ABCC9: variants seen among roughly 807,000 people sequenced by gnomAD.
ABCC9 encodes ATP-binding cassette sub-family C member 9.
Under a neutral mutation model 188.3 loss-of-function variants are expected in ABCC9, and 95 were observed. The observed-to-expected ratio is 0.50, with a 90% CI of 0.43 to 0.60. The LOEUF (loss-of-function observed/expected upper bound fraction) is 0.60. Ranked by LOEUF, ABCC9 falls within the 20% of genes least tolerant of loss-of-function variation. The pLI is 0.00. For missense variants in ABCC9, 1,102 were observed against 1,876.3 expected, an observed-to-expected ratio of 0.59 and a Z score of 7.62; for synonymous variants, 659 against 652.7, an observed-to-expected ratio of 1.01 and a Z score of -0.15.
rs1947287676 is a variant in ABCC9, at chr12:21,893,961, C to A, written c.1802+71G>T. On this transcript the variant is annotated intron_variant, in intron 14 of 39. Transcript: ENST00000261200. ...TTTAATGTTCTTTTTTATATTTTTTCAAATACTCCTATTAGCACACGTCAT... is the reference window on the plus strand; with the variant it reads ...TTTAATGTTCTTTTTTATATTTTTTAAAATACTCCTATTAGCACACGTCAT... 8 of 1,486,986 alleles carry A rather than the reference C, an allele frequency of 5.4e-6. No homozygotes were observed. In the Admixed American group the frequency reaches 1.4e-4, roughly 26 times the overall value. The allele number at this position is 1,486,986 out of a possible 1,614,324, so 92.1% of individuals were successfully genotyped here.
intron 10 of ABCC9, among the ~76,000 whole-genome samples, chr12:21,908,435 A>G (rs963350473): frequency 1.3e-5 from 2 of 152,038 alleles, no homozygotes; most frequent in African/African-American, 4.8e-5. Context: ...GCTAAGTGCT[A>G]GGAATGTATT....
chr12:21,838,618 C>T (rs1265578698), intron 29 of ABCC9, among the ~76,000 whole-genome samples: 1 of 152,044 alleles, frequency 6.6e-6, no homozygotes, highest in Non-Finnish European at 1.5e-5. Context: ...CTGTCTGGTG[C>T]CCAGAGTCCT....
intron 31 of ABCC9, among the ~76,000 whole-genome samples, chr12:21,822,883 C>T (rs951306518): frequency 6.6e-6 from 1 of 151,956 alleles, no homozygotes; most frequent in Non-Finnish European, 1.5e-5. Flanking sequence ...CAAAGTGACC[C>T]TACGGTTACA....
Position 21,848,210 on chromosome 12 carries a change from T to C in ABCC9, c.2806A>G (p.Thr936Ala). The C allele has an allele frequency of 6.2e-7, 1 of 1,613,358 alleles. No homozygotes were observed. The highest frequency in any genetic ancestry group is 2.2e-5 in the East Asian group (1 of 44,856). ...CTTGAATACATGGCCCGTCGGAGAG[T>C]TTTCCTCTCTAAAGTAGTTTGGTCA... ...EADQTTLERK[T>A]LRRAMYSREA... The change falls in exon 25 of 40, where the codon ACT becomes GCT. Residue 936 changes from threonine (T) to alanine (A), a missense_variant. Thr to Ala is a moderately conservative substitution (Grantham distance 58, BLOSUM62 0). This residue lies in a region of ABCC9 where 131 missense variants were observed against 170.2 expected (regional missense o/e 0.77). Coordinates refer to ENST00000261200, the MANE Select transcript of ABCC9 (RefSeq NM_020297.4).
intron 14 of ABCC9, among the ~76,000 whole-genome samples, chr12:21,891,514 T>C (rs1437037936): frequency 6.6e-6 from 1 of 152,154 alleles, no homozygotes; most frequent in Non-Finnish European, 1.5e-5. Context: ...TTCCATTTTA[T>C]GAGGTATATA....
At chr12:21,906,771 A>G (rs1948067828) in intron 11 of ABCC9, among the ~76,000 whole-genome samples, 1 of 152,050 alleles carries the variant, frequency 6.6e-6, no homozygotes, top group Non-Finnish European at 1.5e-5. Flanking sequence ...CTGTGCATTC[A>G]TATTGCATCT....
chr12:21,890,305 A>G (rs1469819871), intron 14 of ABCC9, among the ~76,000 whole-genome samples: 3 of 152,134 alleles, frequency 2.0e-5, no homozygotes, highest in East Asian at 3.9e-4. Context: ...CATCTTTAGC[A>G]TCGTCTAAAA....
intron 22 of ABCC9, among the ~76,000 whole-genome samples, chr12:21,856,051 A>G (rs1489572860): frequency 1.3e-5 from 2 of 152,164 alleles, no homozygotes; most frequent in East Asian, 3.8e-4. Context: ...CAAACCTAGG[A>G]GAGTTATTAT....
intron 14 of ABCC9, among the ~76,000 whole-genome samples, chr12:21,889,036 T>G (rs1406953409): frequency 6.6e-6 from 1 of 152,178 alleles, no homozygotes; most frequent in Non-Finnish European, 1.5e-5. Context: ...GAACTTATAG[T>G]CAAGTTCCTC....
chr12:21,805,811 C>T (rs1395514005), intron 39 of ABCC9, among the ~76,000 whole-genome samples, 187 bp downstream of exon 39: 1 of 152,112 alleles, frequency 6.6e-6, no homozygotes, highest in East Asian at 1.9e-4. Context: ...TTAGGTAGAG[C>T]AGACAGTTTG....
intron 39 of ABCC9, among the ~76,000 whole-genome samples, chr12:21,802,249 C>G (rs11832363): frequency 4.2e-3 from 634 of 152,220 alleles, no homozygotes; most frequent in African/African-American, 0.014. Context: ...TAATCCATAT[C>G]AAAAATTCAG....
intron 3 of ABCC9, 74 bp from the exon 4 acceptor site, chr12:21,933,997 TATG>T (rs1216112419): frequency 6.4e-7 from 1 of 1,559,176 alleles, no homozygotes; most frequent in African/African-American, 1.4e-5. Flanking sequence ...TAATTTAAAT[TATG>T]ATAAGCTTTA....
chr12:21,839,249 G>T (rs1365862331), intron 29 of ABCC9, among the ~76,000 whole-genome samples: 1 of 152,188 alleles, frequency 6.6e-6, no homozygotes, highest in African/African-American at 2.4e-5. Context: ...AGCCCTATTT[G>T]CTGTGATGAT....
At chr12:21,915,267 A>ATATATATGTGTGTATATATAC (rs774503903) in intron 7 of ABCC9, among the ~76,000 whole-genome samples, 4 of 89,148 alleles carry the variant, frequency 4.5e-5, no homozygotes, top group African/African-American at 1.3e-4. Flanking sequence ...GTGTGTATAT[A>ATATATATGTGTGTATATATAC]ATGTGTATAT....
chr12:21,889,839 A>G (rs1485950959), intron 14 of ABCC9, among the ~76,000 whole-genome samples: 3 of 152,154 alleles, frequency 2.0e-5, no homozygotes, highest in African/African-American at 7.2e-5. Flanking sequence ...GACAAGGACC[A>G]TCAATGGATG....
intron 35 of ABCC9, 36 bp downstream of exon 35, chr12:21,814,608 C>G (rs578145919): frequency 1.3e-6 from 2 of 1,542,722 alleles, no homozygotes; most frequent in African/African-American, 2.7e-5. Flanking sequence ...AGGAAAGCAC[C>G]AAGTGGCCAC....
At chr12:21,828,936 C>T (rs17846780) in intron 31 of ABCC9, 22 bp downstream of exon 31, 51 of 1,599,016 alleles carry the variant, frequency 3.2e-5, no homozygotes, top group East Asian at 2.9e-4. Context: ...GTTTCCATTT[C>T]GAAATCATGA....
intron 37 of ABCC9, 90 bp from the exon 38 acceptor site, chr12:21,807,569 T>C: frequency 6.5e-7 from 1 of 1,545,258 alleles, no homozygotes; most frequent in Non-Finnish European, 8.9e-7. Flanking sequence ...TTATGTTGTA[T>C]GACAGCATGA....
chr12:21,889,900 C>T (rs1947068623), intron 14 of ABCC9, among the ~76,000 whole-genome samples: 1 of 152,068 alleles, frequency 6.6e-6, no homozygotes. Flanking sequence ...CTCCCATGTC[C>T]CCAGTCATTC....
Sources: gnomAD v4.1 joint callset for allele counts (sites outside exome capture counted in the v4.1 genomes callset) on GRCh38, gnomAD v4.1.1 for gene constraint, gnomAD v4.1.1 regional missense constraint, MANE v1.5 for transcripts, NCBI Gene and HGNC (gene_info 2026-07-23, HGNC 2026-07-21) for gene names.